The following TSPAN3 variants were observed in gnomAD, a reference collection of about 807,000 sequenced individuals.
The protein encoded by TSPAN3 is tetraspanin 3.
In TSPAN3, 9 loss-of-function variants were observed where a neutral mutation model predicts 31.1. That is an observed-to-expected ratio of 0.29 (90% CI 0.17 to 0.50). The LOEUF (loss-of-function observed/expected upper bound fraction) is 0.50. Ranked by LOEUF, TSPAN3 falls within the 20% of genes least tolerant of loss-of-function variation. The pLI is 0.98. For synonymous variants in TSPAN3, 129 were observed against 114.3 expected (o/e 1.13, Z -0.82); for missense variants, 252 against 313.5 (o/e 0.80, Z 1.48).
rs200460581 is a variant in TSPAN3 at position 77,052,820 on chromosome 15, T to C, written c.542A>G (p.Asn181Ser). Reference protein sequence around the residue: ...PLSCCRETASNCNGSLAHPSD... With the variant: ...PLSCCRETASSCNGSLAHPSD... ...AGGGTGGGCCAGGCTGCCATTACAA[T>C]TGCTGGCAGTCTCTCTGCAGCAGCT... The change falls in exon 5 of 7, where the codon AAT (asparagine) becomes AGT (serine). Residue 181 changes from asparagine to serine, a missense_variant. Asn to Ser is a conservative substitution (Grantham distance 46, BLOSUM62 1). Transcript: ENST00000267970. 4.3e-6 allele frequency: 7 copies of C among 1,614,182 alleles called. No homozygotes were observed. Among genetic ancestry groups the C allele is most frequent in the South Asian group, 1.1e-5 (1 of 91,078 alleles).
chr15:77,055,936 A>C (rs1370340363), intron 2 of TSPAN3, 73 bp from the exon 3 acceptor site: 14 of 1,532,448 alleles, frequency 9.1e-6, no homozygotes, highest in Middle Eastern at 4.1e-4. Context: ...ATTTAAAAAA[A>C]GTTATCAGAG....
At chr15:77,062,505 C>A (rs4886509) in intron 1 of TSPAN3, among the ~76,000 whole-genome samples, 88,438 of 152,102 alleles carry the variant, frequency 0.58, 26,594 homozygotes, top group Middle Eastern at 0.74. Flanking sequence ...CTATTAAATA[C>A]TATCATTTTC....
chr15:77,051,073 A>C (rs983477963), intron 6 of TSPAN3, among the ~76,000 whole-genome samples: 1 of 152,062 alleles, frequency 6.6e-6, no homozygotes, highest in African/African-American at 2.4e-5. Flanking sequence ...TTTTAAAAAA[A>C]ATTTTTTTTT....
intron 1 of TSPAN3, among the ~76,000 whole-genome samples, chr15:77,065,479 T>C (rs1252202825): frequency 3.9e-4 from 59 of 152,142 alleles, no homozygotes; most frequent in Admixed American, 3.9e-3. Flanking sequence ...CAGGCTGGAG[T>C]GCAGTGGCTC....
intron 3 of TSPAN3, chr15:77,054,960 A>C (rs1690949039): frequency 6.6e-6 from 1 of 152,272 alleles, no homozygotes; most frequent in Non-Finnish European, 1.5e-5. Flanking sequence ...CTTATCTGGT[A>C]ATTACAACAG....
intron 1 of TSPAN3, chr15:77,063,436 C>G (rs2076812232): frequency 1.3e-5 from 2 of 151,638 alleles, no homozygotes; most frequent in African/African-American, 4.9e-5. Context: ...TGGCCTCAGA[C>G]TCCTTCCCTC....
intron 3 of TSPAN3, 147 bp from the exon 4 acceptor site, chr15:77,054,426 A>G (rs367861337): frequency 5.2e-6 from 3 of 572,390 alleles, no homozygotes; most frequent in Non-Finnish European, 6.3e-6. Context: ...TCCTGCCTTC[A>G]TCTTCATATA....
chr15:77,051,977 T>C (rs578072599), intron 6 of TSPAN3, among the ~76,000 whole-genome samples: 88 of 152,302 alleles, frequency 5.8e-4, no homozygotes, highest in Non-Finnish European at 1.1e-3. Context: ...GAGGGAGAAC[T>C]AGCATACAAA....
rs1046379677 is a variant in TSPAN3 at position 77,041,922 on chromosome 15, G to C, written c.*4913C>G. The stretch of plus-strand genomic sequence containing the variant: ...ATTTTAAAAATTGTAAATGACTGCA[G>C]TGTGTGTATAGAGATGATCACTGTG... On this transcript the variant is annotated 3_prime_UTR_variant, in exon 7 of 7. Coordinates refer to ENST00000267970, the MANE Select transcript of TSPAN3 (RefSeq NM_005724.6). 1 of 152,214 alleles carries C rather than the reference G, an allele frequency of 6.6e-6. No individual in the cohort carries two copies. Among genetic ancestry groups the C allele is most frequent in the Non-Finnish European group, 1.5e-5 (1 of 68,046 alleles). 9.4% of individuals were successfully genotyped at this position (152,214 alleles called of 1,614,324 possible).
chr15:77,054,498 C>T (rs181755548), intron 3 of TSPAN3: 23 of 316,890 alleles, frequency 7.3e-5, no homozygotes, highest in African/African-American at 4.9e-4. Flanking sequence ...ATACCACATA[C>T]ATTCAAGCAT....
chr15:77,049,372 T>C (rs1302421819), intron 6 of TSPAN3, among the ~76,000 whole-genome samples: 1 of 152,196 alleles, frequency 6.6e-6, no homozygotes, highest in Non-Finnish European at 1.5e-5. Flanking sequence ...CTTGAGGATA[T>C]GCCAACTTCA....
Position 77,046,299 on chromosome 15 carries a change from C to T in TSPAN3, c.*536G>A. 1 of 399,024 alleles carries T rather than the reference C, an allele frequency of 2.5e-6. No homozygotes were observed. The highest frequency in any genetic ancestry group is 3.6e-5 in the East Asian group (1 of 28,042). The allele number at this position is 399,024 out of a possible 1,614,324, so 24.7% of individuals were successfully genotyped here. A position where few individuals can be genotyped will look rare whatever the true frequency, so the allele number is the denominator to read the frequency against. ...TTTTGAAGATGAACCAAGATATACG[C>T]CATATGATCCTACAATCTATTTTAG... On this transcript the variant is annotated 3_prime_UTR_variant, in exon 7 of 7. Transcript: ENST00000267970.
chr15:77,066,571 C>CAAAAAAAAAAAAAAAAAA (rs35737479), intron 1 of TSPAN3, among the ~76,000 whole-genome samples: 3 of 59,354 alleles, frequency 5.1e-5, no homozygotes, highest in African/African-American at 2.2e-4. Flanking sequence ...GACTTCGTCT[C>CAAAAAAAAAAAAAAAAAA]AAAAAAAAAA....
chr15:77,056,997 T>G (rs1204158617), intron 1 of TSPAN3, among the ~76,000 whole-genome samples: 1 of 152,194 alleles, frequency 6.6e-6, no homozygotes, highest in Non-Finnish European at 1.5e-5. Context: ...TGCAGCTTCT[T>G]CTTGGAGCGC....
chr15:77,053,064 G>C, intron 4 of TSPAN3, 135 bp from the exon 5 acceptor site: 1 of 863,788 alleles, frequency 1.2e-6, no homozygotes, highest in Non-Finnish European at 1.7e-6. Context: ...AAGTCTGCAT[G>C]ATCCAATATA....
Position 77,056,273 on chromosome 15 carries a change from A to C in TSPAN3, c.64-18T>G. The C allele has an allele frequency of 6.4e-7, 1 of 1,568,890 alleles. No individual in the cohort carries two copies. The highest frequency in any genetic ancestry group is 8.6e-7 in the Non-Finnish European group (1 of 1,161,942). On this transcript the variant is annotated intron_variant, in intron 1 of 6. Transcript: ENST00000267970. ...GCTGCCCCCTGTAGAAAACAAAGTC[A>C]GTACTGGTCTCTAAGCACTGCTGGT...
intron 6 of TSPAN3, among the ~76,000 whole-genome samples, chr15:77,048,360 T>C (rs1270317753): frequency 6.6e-6 from 1 of 151,504 alleles, no homozygotes. Context: ...GGAAAAAAAA[T>C]CTCTCTTCCC....
At chr15:77,054,070 C>T (rs1411280422) in intron 4 of TSPAN3, 108 bp downstream of exon 4, 16 of 763,254 alleles carry the variant, frequency 2.1e-5, no homozygotes, top group Non-Finnish European at 3.2e-5. Context: ...ATCAGGATAG[C>T]CATGTATGTG....
In TSPAN3 at chr15:77,043,021, C is replaced by A. The variant is rs575951794; in HGVS notation, c.*3814G>T. ...TGACCCACAGTGGGCTCTGAAGGGGCTAACAAGGCTAGAGGAGGAAGATGG... is the reference window on the plus strand; with the variant it reads ...TGACCCACAGTGGGCTCTGAAGGGGATAACAAGGCTAGAGGAGGAAGATGG... On this transcript the variant is annotated 3_prime_UTR_variant, in exon 7 of 7. Coordinates refer to ENST00000267970, the MANE Select transcript of TSPAN3 (RefSeq NM_005724.6). 6.6e-6 allele frequency: 1 copy of A among 152,368 alleles called. No individual in the cohort carries two copies. The highest frequency in any genetic ancestry group is 2.1e-4 in the South Asian group (1 of 4,816). 9.4% of individuals were successfully genotyped at this position (152,368 alleles called of 1,614,324 possible). A position where few individuals can be genotyped will look rare whatever the true frequency, so the allele number is the denominator to read the frequency against.
Sources: gnomAD v4.1 joint callset for allele counts (sites outside exome capture counted in the v4.1 genomes callset) on GRCh38, gnomAD v4.1.1 for gene constraint, MANE v1.5 for transcripts, NCBI Gene and HGNC (gene_info 2026-07-23, HGNC 2026-07-21) for gene names.